ADGRL3: variants seen among roughly 807,000 people sequenced by gnomAD.
ADGRL3 encodes the protein calcium-independent alpha-latrotoxin receptor 3.
A neutral mutation model predicts 153.5 loss-of-function variants in ADGRL3; 62 were observed. The observed-to-expected ratio is 0.40, with a 90% confidence interval of 0.33 to 0.50. The LOEUF (loss-of-function observed/expected upper bound fraction) is 0.50, where lower values mean the gene tolerates loss of function less well. Ranked by LOEUF, ADGRL3 falls within the 20% of genes least tolerant of loss-of-function variation. The pLI is 0.47. For missense variants in ADGRL3, 1,641 were observed against 1,859.4 expected (o/e 0.88, Z 2.16); for synonymous variants, 710 against 672.5 (o/e 1.06, Z -0.86).
chr4:61,388,507 C>T (rs1013975820), intron 2 of ADGRL3, among the ~76,000 whole-genome samples: 2 of 152,190 alleles, frequency 1.3e-5, no homozygotes, highest in Non-Finnish European at 2.9e-5. Context: ...TCTTACAGTT[C>T]TTTGGGCACA....
chr4:61,787,776 A>T (rs2097294892), intron 8 of ADGRL3, among the ~76,000 whole-genome samples: 1 of 152,160 alleles, frequency 6.6e-6, no homozygotes, highest in Admixed American at 6.5e-5. Context: ...CATACAAAAA[A>T]TTATGACAGA....
chr4:61,837,081 C>CT (rs1352141092), intron 9 of ADGRL3, among the ~76,000 whole-genome samples: 2 of 152,060 alleles, frequency 1.3e-5, no homozygotes, highest in African/African-American at 4.8e-5. Flanking sequence ...AAGGCTGAGG[C>CT]TTACAGAGAT....
intron 4 of ADGRL3, among the ~76,000 whole-genome samples, chr4:61,551,237 CTTAA>C (rs1329206777): frequency 2.6e-5 from 4 of 152,076 alleles, no homozygotes; most frequent in African/African-American, 9.7e-5. Flanking sequence ...ACACTTAAAA[CTTAA>C]TTATTTAGCA....
intron 1 of ADGRL3, among the ~76,000 whole-genome samples, chr4:61,362,326 T>TTATA (rs373888895): frequency 3.2e-4 from 47 of 144,716 alleles, no homozygotes; most frequent in African/African-American, 5.8e-4. Flanking sequence ...TATTTGAAAA[T>TTATA]TATATATATA....
chr4:61,674,960 C>G lies in ADGRL3; in HGVS notation c.474-1866C>G, dbSNP rs565620028. ...TATACATTTGTCTGATCATCAGCCT[C>G]TAACATAGAAAATCCTTACAACTTG... On this transcript the variant is annotated intron_variant, in intron 5 of 26. Transcript: ENST00000683033. 8.5e-5 allele frequency among the ~76,000 whole-genome samples: 13 copies of G among 152,058 alleles called. No homozygotes were observed. The South Asian group carries it at 1.9e-3, about 22-fold the overall frequency.
In ADGRL3 at chr4:61,855,559, C is replaced by T. The variant is rs2149208638; in HGVS notation, c.1481-37097C>T. ...AATACTGATAAACATTATTTTTTCA[C>T]TTTTTAAAAATTAACTGGGATTATA... On this transcript the variant is annotated intron_variant, in intron 9 of 26. Transcript: ENST00000683033. 2.0e-5 allele frequency among the ~76,000 whole-genome samples: 3 copies of T among 152,118 alleles called. No homozygotes were observed. The East Asian group carries it at 5.8e-4, about 29-fold the overall frequency.
At chr4:61,977,674 C>T (rs1200625110) in intron 17 of ADGRL3, among the ~76,000 whole-genome samples, 1 of 152,122 alleles carries the variant, frequency 6.6e-6, no homozygotes, top group African/African-American at 2.4e-5. Flanking sequence ...CAGATTACAG[C>T]ATGGTGGCTT....
At chr4:61,648,549 T>G (rs971969796) in intron 5 of ADGRL3, among the ~76,000 whole-genome samples, 2 of 150,874 alleles carry the variant, frequency 1.3e-5, no homozygotes, top group Non-Finnish European at 3.0e-5. Flanking sequence ...TCTTTTGGGG[T>G]TTTTTTTAGA....
At chr4:61,770,331 AT>A (rs1020581711) in intron 8 of ADGRL3, among the ~76,000 whole-genome samples, 1 of 151,886 alleles carries the variant, frequency 6.6e-6, no homozygotes, top group African/African-American at 2.4e-5. Flanking sequence ...AACGCCTATT[AT>A]TTTTTTTCCT....
intron 1 of ADGRL3, among the ~76,000 whole-genome samples, chr4:61,337,472 T>C (rs1256674392): frequency 1.3e-5 from 2 of 152,178 alleles, no homozygotes; most frequent in Admixed American, 1.3e-4. Flanking sequence ...GGAGAAATGC[T>C]GTGCCTCAGC....
chr4:61,428,245 A>C (rs2097306756), intron 2 of ADGRL3: 1 of 152,540 alleles, frequency 6.6e-6, no homozygotes, highest in Admixed American at 6.5e-5. Flanking sequence ...TCAGTGATAC[A>C]TTTATGCACT....
At chr4:61,525,778 G>A (rs1021809431) in intron 4 of ADGRL3, among the ~76,000 whole-genome samples, 1 of 152,036 alleles carries the variant, frequency 6.6e-6, no homozygotes, top group African/African-American at 2.4e-5. Flanking sequence ...GAGGTGACTG[G>A]GTGGTACCAT....
At chr4:61,651,821 T>C (rs1436555985) in intron 5 of ADGRL3, among the ~76,000 whole-genome samples, 1 of 150,824 alleles carries the variant, frequency 6.6e-6, no homozygotes, top group Non-Finnish European at 1.5e-5. Flanking sequence ...TTTCACCATA[T>C]TGGCCAGGAT....
At chr4:61,572,308 A>G (rs898777164) in intron 4 of ADGRL3, among the ~76,000 whole-genome samples, 5 of 152,130 alleles carry the variant, frequency 3.3e-5, no homozygotes, top group South Asian at 4.1e-4. Flanking sequence ...TACTGAAGAA[A>G]CTTTAACTTT....
chr4:61,255,150 C>T (rs959319462), intron 1 of ADGRL3, among the ~76,000 whole-genome samples: 1 of 152,144 alleles, frequency 6.6e-6, no homozygotes, highest in African/African-American at 2.4e-5. Flanking sequence ...TTGTTGCTGA[C>T]AGTCAGGGTT....
chr4:61,998,605 C>T (rs1397306134), intron 21 of ADGRL3, among the ~76,000 whole-genome samples: 4 of 148,830 alleles, frequency 2.7e-5, no homozygotes, highest in East Asian at 2.0e-4. Context: ...GATGGAGTTT[C>T]GTTCTTGTTG....
At chr4:61,783,065 T>C in intron 8 of ADGRL3, among the ~76,000 whole-genome samples, 1 of 152,170 alleles carries the variant, frequency 6.6e-6, no homozygotes, top group Non-Finnish European at 1.5e-5. Context: ...TAATTTCTAT[T>C]GGTTCAGCAT....
intron 4 of ADGRL3, chr4:61,583,740 T>C (rs529737468): frequency 3.9e-6 from 2 of 518,318 alleles, no homozygotes; most frequent in East Asian, 1.1e-4. Context: ...GTTTCCAGAT[T>C]TCACATCTAA....
intron 2 of ADGRL3, among the ~76,000 whole-genome samples, chr4:61,494,082 GTTT>G (rs200811187): frequency 6.9e-5 from 9 of 130,186 alleles, no homozygotes; most frequent in Admixed American, 3.9e-4. Context: ...ACTGTGTCCT[GTTT>G]TTTTTTTTTT....
Sources: allele counts gnomAD v4.1 joint callset (sites outside exome capture counted in the v4.1 genomes callset), GRCh38; gene constraint gnomAD v4.1.1; transcripts MANE v1.5; gene names NCBI Gene and HGNC (gene_info 2026-07-23, HGNC 2026-07-21).